The following CNTN5 variants were observed in gnomAD, a reference collection of about 807,000 sequenced individuals.
CNTN5 encodes the protein contactin-5.
CNTN5 carries 77 observed loss-of-function variants against 129.1 expected under a neutral mutation model. The observed-to-expected ratio is 0.60, with a 90% confidence interval of 0.50 to 0.72. The LOEUF (loss-of-function observed/expected upper bound fraction) is 0.72. Among genes scored for constraint, CNTN5 ranks in the 30% least tolerant of loss-of-function variants. The pLI is 0.00. For synonymous variants in CNTN5, 509 were observed against 465.6 expected, an observed-to-expected ratio of 1.09 and a Z score of -1.20; for missense variants, 1,478 against 1,328.8, an observed-to-expected ratio of 1.11 and a Z score of -1.75.
intron 3 of CNTN5, among the ~76,000 whole-genome samples, chr11:99,679,406 CTACCTT>C (rs746995824): frequency 7.2e-5 from 11 of 152,012 alleles, no homozygotes; most frequent in Non-Finnish European, 1.3e-4. Flanking sequence ...TGTGTTCACT[CTACCTT>C]TATATCACAT....
intron 3 of CNTN5, among the ~76,000 whole-genome samples, chr11:99,738,807 C>A (rs1422067130): frequency 1.3e-5 from 2 of 152,038 alleles, no homozygotes; most frequent in Non-Finnish European, 2.9e-5. Flanking sequence ...GGGTTTTAGG[C>A]ATGTAGAAGG....
chr11:99,277,571 T>C (rs567614446), intron 1 of CNTN5, among the ~76,000 whole-genome samples: 12 of 151,866 alleles, frequency 7.9e-5, no homozygotes, highest in Non-Finnish European at 1.5e-4. Flanking sequence ...ATTGTGTTTG[T>C]AGTTCATGGC....
At chr11:99,405,149 T>C (rs1942015758) in intron 2 of CNTN5, among the ~76,000 whole-genome samples, 1 of 152,198 alleles carries the variant, frequency 6.6e-6, no homozygotes, top group African/African-American at 2.4e-5. Context: ...TTAAGGATCA[T>C]TTCTTTATTC....
intron 2 of CNTN5, among the ~76,000 whole-genome samples, chr11:99,450,804 T>G (rs1944274454): frequency 7.1e-6 from 1 of 141,604 alleles, no homozygotes; most frequent in Admixed American, 7.7e-5. Flanking sequence ...CTTCTGCACA[T>G]GTCTGAAAGG....
intron 15 of CNTN5, among the ~76,000 whole-genome samples, chr11:100,218,817 A>G (rs1350115906): frequency 6.6e-6 from 1 of 152,230 alleles, no homozygotes; most frequent in East Asian, 1.9e-4. Context: ...GTCTAGCCTC[A>G]TATGCTAGAT....
chr11:100,014,139 A>G (rs1045677068), intron 9 of CNTN5, among the ~76,000 whole-genome samples: 2 of 152,174 alleles, frequency 1.3e-5, no homozygotes, highest in Admixed American at 1.3e-4. Context: ...TTAGAATTTC[A>G]TGCATTCAAA....
intron 8 of CNTN5, among the ~76,000 whole-genome samples, chr11:100,000,182 A>G (rs1939769024): frequency 6.6e-6 from 1 of 151,994 alleles, no homozygotes; most frequent in Non-Finnish European, 1.5e-5. Context: ...ATAAATAAAT[A>G]AATAAAAAGT....
intron 6 of CNTN5, among the ~76,000 whole-genome samples, chr11:99,906,743 G>T (rs184918054): frequency 3.5e-4 from 53 of 152,210 alleles, no homozygotes; most frequent in Non-Finnish European, 6.0e-4. Context: ...TTGTACCACT[G>T]GTAGAATTCG....
intron 3 of CNTN5, among the ~76,000 whole-genome samples, chr11:99,565,390 C>T (rs1948970187): frequency 1.3e-5 from 2 of 152,154 alleles, no homozygotes; most frequent in South Asian, 2.1e-4. Context: ...AAGTTGTCAC[C>T]ATGCCCAGAT....
At chr11:99,234,428 G>A (rs905684607) in intron 1 of CNTN5, among the ~76,000 whole-genome samples, 15 of 152,134 alleles carry the variant, frequency 9.9e-5, no homozygotes, top group African/African-American at 3.1e-4. Context: ...CATAGGAGAT[G>A]TTCAGTAAAC....
chr11:99,909,781 A>G (rs1949607209), intron 6 of CNTN5, among the ~76,000 whole-genome samples: 1 of 151,898 alleles, frequency 6.6e-6, no homozygotes, highest in African/African-American at 2.4e-5. Context: ...TGGACACAGG[A>G]AGGGGAACAT....
intron 18 of CNTN5, among the ~76,000 whole-genome samples, chr11:100,288,458 C>T (rs1204491895): frequency 1.2e-4 from 19 of 152,264 alleles, no homozygotes; most frequent in East Asian, 5.8e-4. Context: ...AAGAACCTCA[C>T]CCAAACCGCT....
At chr11:100,232,137 G>C (rs931771367) in intron 16 of CNTN5, among the ~76,000 whole-genome samples, 4 of 152,080 alleles carry the variant, frequency 2.6e-5, no homozygotes, top group African/African-American at 4.8e-5. Flanking sequence ...CTGGCCAACA[G>C]AGTGAGACTG....
chr11:99,145,731 T>C (rs1425723883), intron 1 of CNTN5, among the ~76,000 whole-genome samples: 6 of 152,112 alleles, frequency 3.9e-5, no homozygotes, highest in African/African-American at 1.4e-4. Context: ...CTTCCACAAA[T>C]GATGGTAATA....
At chr11:99,109,457 T>C (rs772486095) in intron 1 of CNTN5, among the ~76,000 whole-genome samples, 4 of 152,066 alleles carry the variant, frequency 2.6e-5, no homozygotes, top group Non-Finnish European at 4.4e-5. Flanking sequence ...AAACTAGGAA[T>C]GAAGATACGT....
chr11:99,481,868 T>C (rs1323963951), intron 2 of CNTN5, among the ~76,000 whole-genome samples: 1 of 152,238 alleles, frequency 6.6e-6, no homozygotes, highest in Non-Finnish European at 1.5e-5. Context: ...AATTATACTG[T>C]TATATTTCTA....
At chr11:99,421,992 G>C (rs918177758) in intron 2 of CNTN5, among the ~76,000 whole-genome samples, 13 of 152,154 alleles carry the variant, frequency 8.5e-5, no homozygotes, top group African/African-American at 3.1e-4. Flanking sequence ...CTATTCAGGT[G>C]TGTTCAATCT....
At chr11:99,494,167 C>T (rs981231194) in intron 2 of CNTN5, among the ~76,000 whole-genome samples, 1 of 152,164 alleles carries the variant, frequency 6.6e-6, no homozygotes, top group African/African-American at 2.4e-5. Flanking sequence ...ATGGAACTCA[C>T]TCCGTAGTAA....
intron 17 of CNTN5, among the ~76,000 whole-genome samples, chr11:100,269,180 C>CA (rs1950362361): frequency 6.6e-6 from 1 of 152,050 alleles, no homozygotes; most frequent in South Asian, 2.1e-4. Flanking sequence ...TCAACTGTGT[C>CA]AAAGGATGAT....
Sources: allele counts gnomAD v4.1 joint callset (sites outside exome capture counted in the v4.1 genomes callset), GRCh38; gene constraint gnomAD v4.1.1; transcripts MANE v1.5; gene names NCBI Gene and HGNC (gene_info 2026-07-23, HGNC 2026-07-21).